TM9SF2: variants seen among roughly 807,000 people sequenced by gnomAD.
The protein encoded by TM9SF2 is 76 kDa membrane protein.
TM9SF2 carries 13 observed loss-of-function variants against 84.9 expected under a neutral mutation model. The ratio of observed to expected loss-of-function variants is 0.15; its 90% CI spans 0.10 to 0.24. TM9SF2 has a LOEUF of 0.24. Ranked by LOEUF, TM9SF2 falls within the 10% of genes least tolerant of loss-of-function variation. The pLI, the probability that TM9SF2 is intolerant of heterozygous loss-of-function variation, is 1.00. For missense variants in TM9SF2, 562 were observed against 818.5 expected (o/e 0.69, Z 3.82); for synonymous variants, 273 against 285.8 (o/e 0.96, Z 0.45).
chr13:99,535,023 G>A (rs906727592), intron 4 of TM9SF2, among the ~76,000 whole-genome samples: 1 of 152,082 alleles, frequency 6.6e-6, no homozygotes, highest in African/African-American at 2.4e-5. Context: ...GTGATGGCAT[G>A]CACCTGTAGT....
At chr13:99,509,379 C>G (rs2046103482) in intron 1 of TM9SF2, among the ~76,000 whole-genome samples, 1 of 152,232 alleles carries the variant, frequency 6.6e-6, no homozygotes, top group Admixed American at 6.5e-5. Flanking sequence ...CACTGCCCTA[C>G]TAAAGGTGCT....
At chr13:99,509,262 T>G (rs1594044227) in intron 1 of TM9SF2, among the ~76,000 whole-genome samples, 1 of 152,132 alleles carries the variant, frequency 6.6e-6, no homozygotes, top group South Asian at 2.1e-4. Context: ...TGCCAATGAA[T>G]CTACTATTCT....
At chr13:99,521,255 A>G (rs1490898065) in intron 3 of TM9SF2, among the ~76,000 whole-genome samples, 1 of 152,228 alleles carries the variant, frequency 6.6e-6, no homozygotes, top group Non-Finnish European at 1.5e-5. Flanking sequence ...ATAAGCTTAC[A>G]TTAAATAGAT....
intron 7 of TM9SF2, 71 bp downstream of exon 7, chr13:99,539,628 A>G (rs752571211): frequency 2.0e-6 from 2 of 995,342 alleles, no homozygotes; most frequent in East Asian, 2.4e-5. Flanking sequence ...ACTAATTAAA[A>G]TGTTACTGAT....
At chr13:99,503,766 A>C (rs1257627194) in intron 1 of TM9SF2, among the ~76,000 whole-genome samples, 1 of 152,008 alleles carries the variant, frequency 6.6e-6, no homozygotes. Context: ...GGACTTAGAA[A>C]ATGAATAAGT....
Position 99,539,493 on chromosome 13 carries a change from T to C in TM9SF2, c.764T>C (p.Met255Thr), listed in dbSNP as rs2046249347. The stretch of plus-strand genomic sequence containing the variant: ...AAACCAGACTGCTCAGGGCCCCCCA[T>C]GGACATAAGTAACAAGGCTTCTGGG... The part of the protein sequence containing the change: ...IDKPDCSGPP[M>T]DISNKASGEI... The change falls in exon 7 of 17, where the codon ATG becomes ACG. Residue 255 changes from methionine (M) to threonine (T), a missense_variant. Met to Thr is a moderately conservative substitution (Grantham distance 81). This residue lies in a region of TM9SF2 where 267 missense variants were observed against 316.7 expected (regional missense o/e 0.84). Transcript: ENST00000376387. The C allele has an allele frequency of 6.2e-7, 1 of 1,613,972 alleles. No homozygotes were observed. The highest frequency in any genetic ancestry group is 8.5e-7 in the Non-Finnish European group (1 of 1,179,866).
intron 1 of TM9SF2, among the ~76,000 whole-genome samples, chr13:99,513,914 A>G (rs751137274): frequency 2.4e-3 from 106 of 45,040 alleles, no homozygotes; most frequent in Non-Finnish European, 3.3e-3. Context: ...GTAAAGCCTA[A>G]GACATTACTC....
chr13:99,534,639 A>G (rs896274355), intron 4 of TM9SF2, among the ~76,000 whole-genome samples: 4 of 152,344 alleles, frequency 2.6e-5, no homozygotes, highest in South Asian at 2.1e-4. Flanking sequence ...GTGAAGCTTG[A>G]TTGGTAGAAC....
At chr13:99,506,920 A>G (rs1566561705) in intron 1 of TM9SF2, among the ~76,000 whole-genome samples, 1 of 152,188 alleles carries the variant, frequency 6.6e-6, no homozygotes, top group Non-Finnish European at 1.5e-5. Flanking sequence ...CTTTACATGT[A>G]TCCAACAATT....
chr13:99,535,260 A>G (rs2046228976), intron 4 of TM9SF2, among the ~76,000 whole-genome samples: 1 of 152,214 alleles, frequency 6.6e-6, no homozygotes, highest in Non-Finnish European at 1.5e-5. Context: ...TATTATATAA[A>G]TGATACATTT....
intron 2 of TM9SF2, among the ~76,000 whole-genome samples, 181 bp from the exon 3 acceptor site, chr13:99,519,855 G>T (rs2046151663): frequency 6.6e-6 from 1 of 152,098 alleles, no homozygotes; most frequent in African/African-American, 2.4e-5. Flanking sequence ...CATAATTTTA[G>T]GTGTTTTGTT....
At chr13:99,544,028 A>G (rs2046272325) in intron 10 of TM9SF2, 33 bp downstream of exon 10, 1 of 1,609,676 alleles carries the variant, frequency 6.2e-7, no homozygotes, top group African/African-American at 1.3e-5. Flanking sequence ...CAAGTAGAAA[A>G]TACTTTCTAA....
At chr13:99,558,227 C>T (rs759365118) in intron 15 of TM9SF2, among the ~76,000 whole-genome samples, 1 of 152,170 alleles carries the variant, frequency 6.6e-6, no homozygotes, top group South Asian at 2.1e-4. Context: ...ACTGTGGCTT[C>T]GTAGTAAGTT....
At chr13:99,554,659 C>G (rs756304091) in intron 14 of TM9SF2, among the ~76,000 whole-genome samples, 1 of 152,284 alleles carries the variant, frequency 6.6e-6, no homozygotes, top group Non-Finnish European at 1.5e-5. Flanking sequence ...AATATGAATT[C>G]AAGGCTTGTT....
At position 99,562,829 on chromosome 13, in the gene TM9SF2, C is replaced by A; in HGVS notation, c.*71C>A. ...CATCAACAAAGACCTGTTTTTGTGA[C>A]TGCCTTGAGTTTTATCAGAATTATT... On this transcript the variant is annotated 3_prime_UTR_variant, in exon 17 of 17. Transcript: ENST00000376387. 1.4e-6 allele frequency: 2 copies of A among 1,450,228 alleles called. No individual in the cohort carries two copies. The highest frequency in any genetic ancestry group is 1.9e-6 in the Non-Finnish European group (2 of 1,044,134). The allele number at this position is 1,450,228 out of a possible 1,614,324, so 89.8% of individuals were successfully genotyped here.
intron 4 of TM9SF2, among the ~76,000 whole-genome samples, chr13:99,531,533 G>C (rs2046209854): frequency 6.6e-6 from 1 of 152,054 alleles, no homozygotes; most frequent in South Asian, 2.1e-4. Context: ...GGGTTGCTGA[G>C]TCCTGTGCAC....
chr13:99,558,139 T>C (rs2139113822), intron 15 of TM9SF2, among the ~76,000 whole-genome samples: 1 of 152,336 alleles, frequency 6.6e-6, no homozygotes, highest in South Asian at 2.1e-4. Flanking sequence ...CATAGATGTA[T>C]GGGTTTATTT....
intron 1 of TM9SF2, among the ~76,000 whole-genome samples, chr13:99,515,418 AC>A (rs1241326919): frequency 1.3e-5 from 2 of 152,228 alleles, no homozygotes; most frequent in Admixed American, 1.3e-4. Flanking sequence ...CTGTATTGCT[AC>A]AATATCATGT....
chr13:99,552,535 G>C (rs538613434), intron 13 of TM9SF2, among the ~76,000 whole-genome samples: 1 of 152,290 alleles, frequency 6.6e-6, no homozygotes, highest in Non-Finnish European at 1.5e-5. Context: ...TTTTTTAAGT[G>C]AATAGAAGCT....
Sources: gnomAD v4.1 joint callset for allele counts (sites outside exome capture counted in the v4.1 genomes callset) on GRCh38, gnomAD v4.1.1 for gene constraint, gnomAD v4.1.1 regional missense constraint, MANE v1.5 for transcripts, NCBI Gene and HGNC (gene_info 2026-07-23, HGNC 2026-07-21) for gene names.